The following GRB10 variants were observed in gnomAD, a reference collection of about 807,000 sequenced individuals.
The protein encoded by GRB10 is growth factor receptor bound protein 10.
Under a neutral mutation model 80.9 loss-of-function variants are expected in GRB10, and 20 were observed. The observed-to-expected ratio is 0.25, with a 90% CI of 0.17 to 0.36. The LOEUF (loss-of-function observed/expected upper bound fraction) is 0.36. GRB10 is among the 10% of genes least tolerant of loss of function. The pLI, the probability that GRB10 is intolerant of heterozygous loss-of-function variation, is 1.00. For missense variants in GRB10, 548 were observed against 747.7 expected, an observed-to-expected ratio of 0.73 and a Z score of 3.12; for synonymous variants, 291 against 291.5, an observed-to-expected ratio of 1.00 and a Z score of 0.02.
At chr7:50,732,178 C>T in intron 4 of GRB10, 94 bp downstream of exon 4, 4 of 1,306,166 alleles carry the variant, frequency 3.1e-6, no homozygotes, top group South Asian at 1.2e-5. Context: ...GACCTGAGAG[C>T]TACAGAAACG....
intron 5 of GRB10, among the ~76,000 whole-genome samples, chr7:50,687,729 C>A (rs768471571): frequency 5.3e-5 from 8 of 152,164 alleles, no homozygotes; most frequent in Non-Finnish European, 1.2e-4. Context: ...GTCAGTCTCC[C>A]CCTCAGTACC....
chr7:50,645,719 A>G (rs1046489599), intron 7 of GRB10: 7 of 614,292 alleles, frequency 1.1e-5, no homozygotes, highest in Non-Finnish European at 1.4e-5. Flanking sequence ...CAGGCTCAGT[A>G]AACATCGTCT....
intron 5 of GRB10, among the ~76,000 whole-genome samples, chr7:50,689,549 C>G (rs996105909): frequency 6.6e-6 from 1 of 152,056 alleles, no homozygotes; most frequent in Admixed American, 6.5e-5. Context: ...CCAACACTTG[C>G]TGAGTCTCGG....
intron 7 of GRB10, among the ~76,000 whole-genome samples, chr7:50,642,848 AC>A (rs1586208087): frequency 6.6e-6 from 1 of 152,224 alleles, no homozygotes; most frequent in East Asian, 1.9e-4. Flanking sequence ...TAAATAAGGA[AC>A]AAAAAATAAT....
At chr7:50,756,546 A>C (rs984238555) in intron 2 of GRB10, among the ~76,000 whole-genome samples, 1 of 152,254 alleles carries the variant, frequency 6.6e-6, no homozygotes, top group Non-Finnish European at 1.5e-5. Context: ...TGCATGGAGC[A>C]CATGTGTTCC....
intron 7 of GRB10, among the ~76,000 whole-genome samples, chr7:50,643,417 G>C (rs540462400): frequency 1.4e-4 from 21 of 152,298 alleles, no homozygotes; most frequent in African/African-American, 5.1e-4. Context: ...AAACCAAAAT[G>C]GCCCTTCAAG....
intron 5 of GRB10, among the ~76,000 whole-genome samples, chr7:50,679,155 G>A (rs1194049499): frequency 6.6e-6 from 1 of 152,164 alleles, no homozygotes; most frequent in African/African-American, 2.4e-5. Context: ...CCAAAACTGG[G>A]TATTAACTTT....
At chr7:50,687,161 C>T (rs1281974609) in intron 5 of GRB10, among the ~76,000 whole-genome samples, 2 of 152,174 alleles carry the variant, frequency 1.3e-5, no homozygotes, top group Non-Finnish European at 2.9e-5. Context: ...TATCTCCAAA[C>T]TTTTAGTTTC....
At chr7:50,676,956 C>T (rs1428642620) in intron 5 of GRB10, among the ~76,000 whole-genome samples, 1 of 152,154 alleles carries the variant, frequency 6.6e-6, no homozygotes, top group Non-Finnish European at 1.5e-5. Context: ...GCCAGCACAG[C>T]CCTTGCTGGA....
intron 2 of GRB10, among the ~76,000 whole-genome samples, chr7:50,757,802 T>G (rs766373197): frequency 2.6e-5 from 4 of 152,198 alleles, no homozygotes; most frequent in Non-Finnish European, 4.4e-5. Flanking sequence ...CATATCCTGA[T>G]GTGTGTCCCA....
intron 4 of GRB10, among the ~76,000 whole-genome samples, chr7:50,706,727 C>CT (rs978696933): frequency 6.6e-6 from 1 of 152,188 alleles, no homozygotes; most frequent in Non-Finnish European, 1.5e-5. Flanking sequence ...AGACTAGATC[C>CT]TGAGGGCACA....
At chr7:50,619,478 A>G (rs913797835) in intron 8 of GRB10, among the ~76,000 whole-genome samples, 193 bp from the exon 9 acceptor site, 3 of 152,270 alleles carry the variant, frequency 2.0e-5, no homozygotes, top group African/African-American at 7.2e-5. Context: ...TAAGATATAC[A>G]GCATGAAGAA....
chr7:50,721,345 CT>C (rs1187470552), intron 4 of GRB10, among the ~76,000 whole-genome samples: 1 of 152,240 alleles, frequency 6.6e-6, no homozygotes, highest in African/African-American at 2.4e-5. Flanking sequence ...CAGGATGCGA[CT>C]CCAAGATCCA....
chr7:50,712,303 A>C (rs1420834424), intron 4 of GRB10, among the ~76,000 whole-genome samples: 1 of 152,254 alleles, frequency 6.6e-6, no homozygotes, highest in Non-Finnish European at 1.5e-5. Flanking sequence ...AGGAAGCAAG[A>C]GGTTTTTAAG....
At chr7:50,723,927 C>T (rs963683488) in intron 4 of GRB10, among the ~76,000 whole-genome samples, 2 of 152,256 alleles carry the variant, frequency 1.3e-5, no homozygotes, top group African/African-American at 4.8e-5. Flanking sequence ...CACCCTCCAA[C>T]CTTCACGCCC....
At chr7:50,714,669 A>C (rs1259982698) in intron 4 of GRB10, among the ~76,000 whole-genome samples, 2 of 151,654 alleles carry the variant, frequency 1.3e-5, no homozygotes, top group Non-Finnish European at 2.9e-5. Flanking sequence ...TCTCAAAAAA[A>C]AAAACAAAAA....
chr7:50,652,746 G>T (rs2058148176), intron 7 of GRB10, among the ~76,000 whole-genome samples: 1 of 152,214 alleles, frequency 6.6e-6, no homozygotes, highest in African/African-American at 2.4e-5. Flanking sequence ...AGACTTCGCT[G>T]AGACGGCAGA....
At chr7:50,594,473 C>G (rs751718268) in intron 18 of GRB10, among the ~76,000 whole-genome samples, 7 of 152,200 alleles carry the variant, frequency 4.6e-5, no homozygotes, top group Non-Finnish European at 7.4e-5. Flanking sequence ...CTGTGTAAAA[C>G]AGGTGAGTTT....
At chr7:50,607,348 A>G (rs1349598361) in intron 13 of GRB10, among the ~76,000 whole-genome samples, 1 of 152,178 alleles carries the variant, frequency 6.6e-6, no homozygotes, top group African/African-American at 2.4e-5. Context: ...ATAGATTAAT[A>G]TATATAAAAA....
Sources: allele counts gnomAD v4.1 joint callset (sites outside exome capture counted in the v4.1 genomes callset), GRCh38; gene constraint gnomAD v4.1.1; transcripts MANE v1.5; gene names NCBI Gene and HGNC (gene_info 2026-07-23, HGNC 2026-07-21).